The following FBXO4 variants were observed in gnomAD, a reference collection of about 807,000 sequenced individuals.
FBXO4 encodes F-box protein 4, also known as F-box only protein 4.
Under a neutral mutation model 43.7 loss-of-function variants are expected in FBXO4, and 36 were observed. That is an observed-to-expected ratio of 0.82 (90% CI 0.63 to 1.09). The LOEUF (loss-of-function observed/expected upper bound fraction) is 1.09, where lower values mean the gene tolerates loss of function less well. Ranked by LOEUF, FBXO4 falls within the 50% of genes least tolerant of loss-of-function variation. FBXO4 has a pLI of 0.00. For synonymous variants in FBXO4, 180 were observed against 165.6 expected, an observed-to-expected ratio of 1.09 and a Z score of -0.67; for missense variants, 435 against 474.1, an observed-to-expected ratio of 0.92 and a Z score of 0.77.
the FBXO4 span, among the ~76,000 whole-genome samples, chr5:42,032,587 A>G: frequency 1.3e-5 from 2 of 152,162 alleles, no homozygotes; most frequent in Non-Finnish European, 2.9e-5. Flanking sequence ...AAGTCAGCTT[A>G]TGGTGAATGC....
the FBXO4 span, among the ~76,000 whole-genome samples, chr5:41,953,969 C>A: frequency 6.6e-6 from 1 of 152,116 alleles, no homozygotes; most frequent in African/African-American, 2.4e-5. Context: ...AGTAAACTAG[C>A]ATTCTGGATT....
chr5:41,939,394 A>G (rs1463245800), intron 5 of FBXO4, 47 bp from the exon 6 acceptor site: 1 of 1,472,482 alleles, frequency 6.8e-7, no homozygotes, highest in East Asian at 2.3e-5. Flanking sequence ...TATTTTCAAA[A>G]CTATTAAAAG....
At chr5:42,014,254 C>A in the FBXO4 span, among the ~76,000 whole-genome samples, 1 of 152,056 alleles carries the variant, frequency 6.6e-6, no homozygotes, top group Non-Finnish European at 1.5e-5. Flanking sequence ...CATCCGCTAC[C>A]CCCATCTTCT....
rs750530931 is a variant in FBXO4, at chr5:41,939,605, C to T, written c.1063C>T (p.His355Tyr). Residue 355 changes from histidine (H) to tyrosine (Y), a missense_variant, in exon 6 of 7, where the codon CAC (histidine) becomes TAC (tyrosine). Transcript: ENST00000281623. ...TGAGCTGCATCTGAATCTTCTAAAT[C>T]ACCCATGGCTGGTAAGATCATTTAT... ...AHELHLNLLNHPWLVQDTEAE... is the reference protein window; with the variant it reads ...AHELHLNLLNYPWLVQDTEAE... 1.2e-6 allele frequency: 2 copies of T among 1,612,220 alleles called. No homozygotes were observed. The highest frequency in any genetic ancestry group is 1.7e-6 in the Non-Finnish European group (2 of 1,179,004).
chr5:41,957,124 T>C, the FBXO4 span, among the ~76,000 whole-genome samples: 5 of 152,148 alleles, frequency 3.3e-5, no homozygotes, highest in African/African-American at 1.2e-4. Context: ...TTCATTCAAC[T>C]TCTAAGATCT....
At chr5:41,934,964 T>A (rs1051884903) in intron 5 of FBXO4, 2 of 980,302 alleles carry the variant, frequency 2.0e-6, no homozygotes, top group Non-Finnish European at 2.4e-6. Flanking sequence ...TATAGTTCTC[T>A]AATACACTGG....
the FBXO4 span, among the ~76,000 whole-genome samples, chr5:41,990,281 C>T: frequency 2.0e-5 from 3 of 152,142 alleles, no homozygotes; most frequent in African/African-American, 7.2e-5. Flanking sequence ...TAGACACATG[C>T]AATTCATTAA....
chr5:41,941,303 A>G lies in FBXO4; in HGVS notation c.*22A>G, dbSNP rs1273928620. On this transcript the variant is annotated 3_prime_UTR_variant, in exon 7 of 7. Transcript: ENST00000281623. ...ATGATTCTCTTTTCAGATCTTGGGA[A>G]CTGAAACCATTTGAAATTTATTACT... 1 of 1,591,692 alleles carries G rather than the reference A, an allele frequency of 6.3e-7. No homozygotes were observed. Among genetic ancestry groups the G allele is most frequent in the Non-Finnish European group, 8.6e-7 (1 of 1,159,764 alleles).
Position 41,934,309 on chromosome 5 carries a change from G to GT in FBXO4, c.898+2dup. 3 of 1,613,998 alleles carry GT rather than the reference G, an allele frequency of 1.9e-6. No homozygotes were observed. The highest frequency in any genetic ancestry group is 2.5e-6 in the Non-Finnish European group (3 of 1,179,984). On this transcript the variant is annotated splice_donor_variant, in intron 5 of 6. Coordinates refer to ENST00000281623, the MANE Select transcript of FBXO4 (RefSeq NM_012176.3). LOFTEE classifies it high-confidence loss of function. ...GTTGCAAATGCTGAAGCTCATAAAA[G>GT]TAAGTACTCATATGTACATTTTTAA... is the stretch of plus-strand genomic sequence containing the variant.
chr5:42,001,956 C>T, the FBXO4 span, among the ~76,000 whole-genome samples: 2 of 152,144 alleles, frequency 1.3e-5, no homozygotes, highest in Non-Finnish European at 2.9e-5. Flanking sequence ...TTCAGTCTCC[C>T]AAAGTGCTGA....
At chr5:41,973,237 A>C in the FBXO4 span, among the ~76,000 whole-genome samples, 1 of 152,082 alleles carries the variant, frequency 6.6e-6, no homozygotes, top group Admixed American at 6.6e-5. Context: ...ACCAAACCAA[A>C]CTCATTGAAA....
At chr5:42,006,887 GATATATATATATATATATATAT>G in the FBXO4 span, among the ~76,000 whole-genome samples, 1 of 79,120 alleles carries the variant, frequency 1.3e-5, no homozygotes, top group East Asian at 2.4e-4. Context: ...GGTTCATGCT[GATATATATATATATATATATAT>G]ATATATATGT....
chr5:42,015,104 T>C, the FBXO4 span, among the ~76,000 whole-genome samples: 1 of 152,212 alleles, frequency 6.6e-6, no homozygotes, highest in Admixed American at 6.5e-5. Context: ...GAGGGGGCAT[T>C]ATTTGCAGAG....
At chr5:41,952,944 GT>G in the FBXO4 span, among the ~76,000 whole-genome samples, 7 of 151,336 alleles carry the variant, frequency 4.6e-5, no homozygotes, top group East Asian at 5.8e-4. Context: ...TATTCTATCA[GT>G]TTTTTTCTTT....
rs746299686 is a variant in FBXO4, at chr5:41,932,447, T to C, written c.647-1499T>C. 2.0e-5 allele frequency among the ~76,000 whole-genome samples: 3 copies of C among 152,188 alleles called. No individual in the cohort carries two copies. The South Asian group carries it at 6.2e-4, about 32-fold the overall frequency. ...AGTCTTAGTACTTAAGAGCCCTGTGTGTGTGTTGCCTAGAATGATGACATG... is the reference window on the plus strand; with the variant it reads ...AGTCTTAGTACTTAAGAGCCCTGTGCGTGTGTTGCCTAGAATGATGACATG... On this transcript the variant is annotated intron_variant, in intron 3 of 6. Transcript: ENST00000281623.
chr5:41,995,791 T>C, the FBXO4 span, among the ~76,000 whole-genome samples: 1 of 152,202 alleles, frequency 6.6e-6, no homozygotes, highest in Non-Finnish European at 1.5e-5. Context: ...TTCTTCCAAG[T>C]CCCTCACCAT....
At chr5:41,953,386 C>T in the FBXO4 span, among the ~76,000 whole-genome samples, 1 of 152,028 alleles carries the variant, frequency 6.6e-6, no homozygotes, top group Non-Finnish European at 1.5e-5. Flanking sequence ...TTTCTTAATC[C>T]AGTCTATCAT....
chr5:42,034,798 G>A, the FBXO4 span, among the ~76,000 whole-genome samples: 40 of 152,266 alleles, frequency 2.6e-4, no homozygotes, highest in Admixed American at 7.2e-4. Flanking sequence ...CAGGTAACAC[G>A]ATGCCTCTTA....
At chr5:41,983,711 G>A in the FBXO4 span, among the ~76,000 whole-genome samples, 2 of 151,930 alleles carry the variant, frequency 1.3e-5, no homozygotes, top group Non-Finnish European at 2.9e-5. Context: ...CAATTGCTAT[G>A]TCTGTTCATT....
Sources: gnomAD v4.1 joint callset for allele counts (sites outside exome capture counted in the v4.1 genomes callset) on GRCh38, gnomAD v4.1.1 for gene constraint, MANE v1.5 for transcripts, NCBI Gene and HGNC (gene_info 2026-07-23, HGNC 2026-07-21) for gene names.